The following DPP10 variants were observed in gnomAD, a reference collection of about 807,000 sequenced individuals.
DPP10 encodes inactive dipeptidyl peptidase 10.
DPP10 carries 33 observed loss-of-function variants against 120.9 expected under a neutral mutation model. That is an observed-to-expected ratio of 0.27 (90% CI 0.21 to 0.37). The LOEUF is 0.37. Ranked by LOEUF, DPP10 falls within the 10% of genes least tolerant of loss-of-function variation. The pLI, the probability that DPP10 is intolerant of heterozygous loss-of-function variation, is 1.00. For synonymous variants in DPP10, 337 were observed against 326.1 expected (o/e 1.03, Z -0.36); for missense variants, 816 against 942.8 (o/e 0.87, Z 1.76).
chr2:114,461,996 G>A (rs1231148304), intron 1 of DPP10: 19 of 985,350 alleles, frequency 1.9e-5, no homozygotes, highest in Non-Finnish European at 2.3e-5. Context: ...TGAATCGAAA[G>A]GAAGTGCTAC....
intron 1 of DPP10, among the ~76,000 whole-genome samples, chr2:115,164,415 T>C (rs897941591): frequency 6.6e-6 from 1 of 151,948 alleles, no homozygotes; most frequent in African/African-American, 2.4e-5. Flanking sequence ...TTCATAAAGA[T>C]GTGATTAGTT....
At chr2:115,151,296 T>C (rs1291516457) in intron 1 of DPP10, among the ~76,000 whole-genome samples, 3 of 152,204 alleles carry the variant, frequency 2.0e-5, no homozygotes, top group Admixed American at 1.3e-4. Context: ...AATTCTTTTT[T>C]TCCTCTTTCT....
chr2:115,148,001 T>A (rs1161006040), intron 1 of DPP10, among the ~76,000 whole-genome samples: 1 of 152,178 alleles, frequency 6.6e-6, no homozygotes. Context: ...AAGAAAGGAA[T>A]CTTAGACACA....
In DPP10 at chr2:115,823,358, G is replaced by A. The variant is rs2150068529; in HGVS notation, c.1950+7629G>A. On this transcript the variant is annotated intron_variant, in intron 21 of 25. Transcript: ENST00000410059. ...ATTAGCTCAGTACAAGCTCATAACA[G>A]GAATAAAAATTAAAACATCTCACCA... Among the ~76,000 whole-genome samples the A allele has an allele frequency of 1.3e-5, 2 of 152,190 alleles. 1 individual carries two copies. The highest frequency in any genetic ancestry group is 4.1e-4 in the South Asian group (2 of 4,828).
intron 3 of DPP10, among the ~76,000 whole-genome samples, chr2:115,449,541 A>G (rs2072927944): frequency 6.6e-6 from 1 of 152,106 alleles, no homozygotes; most frequent in Non-Finnish European, 1.5e-5. Flanking sequence ...AATGTGCAAC[A>G]TAGTAAAGCA....
intron 1 of DPP10, among the ~76,000 whole-genome samples, chr2:115,078,253 A>G (rs544237973): frequency 7.9e-5 from 12 of 152,358 alleles, no homozygotes; most frequent in African/African-American, 2.9e-4. Context: ...CAAATGATTC[A>G]TTTCACACTA....
At chr2:115,586,160 T>TA (rs1232984455) in intron 5 of DPP10, among the ~76,000 whole-genome samples, 7 of 151,550 alleles carry the variant, frequency 4.6e-5, no homozygotes, top group Non-Finnish European at 7.4e-5. Context: ...CCGTCTCTAC[T>TA]AAAAAAAATA....
chr2:115,205,564 A>T (rs2056064413), intron 1 of DPP10, among the ~76,000 whole-genome samples: 1 of 152,230 alleles, frequency 6.6e-6, no homozygotes, highest in African/African-American at 2.4e-5. Context: ...TCTACCAAAA[A>T]GACACGTGCA....
At chr2:115,087,533 C>CTTTTTTTTTTTTT (rs1310507943) in intron 1 of DPP10, among the ~76,000 whole-genome samples, 6 of 92,610 alleles carry the variant, frequency 6.5e-5, no homozygotes, top group South Asian at 4.4e-4. Flanking sequence ...CTTTTCTTTT[C>CTTTTTTTTTTTTT]TTTTCTTTTT....
chr2:115,282,608 T>A (rs1389969367), intron 1 of DPP10, among the ~76,000 whole-genome samples: 1 of 152,126 alleles, frequency 6.6e-6, no homozygotes, highest in Non-Finnish European at 1.5e-5. Context: ...GTTTTGCTCC[T>A]CAGAGGATCT....
intron 1 of DPP10, among the ~76,000 whole-genome samples, chr2:114,487,702 A>C (rs1231826349): frequency 6.6e-6 from 1 of 152,226 alleles, no homozygotes; most frequent in African/African-American, 2.4e-5. Context: ...AACAATAATC[A>C]GTATAAAATT....
chr2:115,636,005 A>T (rs542904312), intron 5 of DPP10, among the ~76,000 whole-genome samples: 1 of 152,172 alleles, frequency 6.6e-6, no homozygotes, highest in Non-Finnish European at 1.5e-5. Flanking sequence ...ATACAGTGAC[A>T]ATCTTAACCA....
At chr2:115,659,787 A>G (rs948300955) in intron 5 of DPP10, among the ~76,000 whole-genome samples, 8 of 152,284 alleles carry the variant, frequency 5.3e-5, no homozygotes. Context: ...AAAAATGATC[A>G]GTTTTCATTT....
chr2:114,555,566 A>C (rs1348527256), intron 1 of DPP10, among the ~76,000 whole-genome samples: 1 of 152,226 alleles, frequency 6.6e-6, no homozygotes, highest in Non-Finnish European at 1.5e-5. Context: ...CATTCAACAG[A>C]GATAATTAAG....
chr2:114,997,500 G>GA (rs1042085097), intron 1 of DPP10, among the ~76,000 whole-genome samples: 480 of 22,832 alleles, frequency 0.021, no homozygotes, highest in Middle Eastern at 0.053. Flanking sequence ...CAAAAAAAAA[G>GA]AAAAAAAAAA....
intron 3 of DPP10, among the ~76,000 whole-genome samples, chr2:115,488,947 A>G (rs1333069781): frequency 6.6e-6 from 1 of 152,084 alleles, no homozygotes; most frequent in African/African-American, 2.4e-5. Flanking sequence ...CAAAGAAACA[A>G]AAAACATACC....
chr2:115,045,236 C>T (rs1319149086), intron 1 of DPP10, among the ~76,000 whole-genome samples: 1 of 152,138 alleles, frequency 6.6e-6, no homozygotes, highest in African/African-American at 2.4e-5. Context: ...TTAAATATGA[C>T]ATGCCATTCT....
rs140537712 is a variant in DPP10 at position 114,623,968 on chromosome 2, T to C, written c.60+181130T>C. ...GGCCTTAGTATCCTCGTCTGTCATA[T>C]AGGAATGATGATGGTACTCATAGGA... On this transcript the variant is annotated intron_variant, in intron 1 of 25. Coordinates refer to ENST00000410059, the MANE Select transcript of DPP10 (RefSeq NM_020868.6). Among the ~76,000 whole-genome samples the C allele has an allele frequency of 8.4e-3, 1,282 of 152,120 alleles. 24 individuals are homozygous for C. The highest frequency in any genetic ancestry group is 5.9e-3 in the Non-Finnish European group (402 of 67,936).
chr2:115,170,543 A>G (rs1383181394), intron 1 of DPP10, among the ~76,000 whole-genome samples: 2 of 152,218 alleles, frequency 1.3e-5, no homozygotes, highest in African/African-American at 2.4e-5. Flanking sequence ...TAGATTTTCT[A>G]TCTACCTCAC....
Sources: gnomAD v4.1 joint callset for allele counts (sites outside exome capture counted in the v4.1 genomes callset) on GRCh38, gnomAD v4.1.1 for gene constraint, MANE v1.5 for transcripts, NCBI Gene and HGNC (gene_info 2026-07-23, HGNC 2026-07-21) for gene names.